C16orf54: variants seen among roughly 807,000 people sequenced by gnomAD.
The protein encoded by C16orf54 is transmembrane protein C16orf54.
Under a neutral mutation model 3.9 loss-of-function variants are expected in C16orf54, and 2 were observed. The observed-to-expected ratio is 0.52, with a 90% CI of 0.21 to 1.63. The LOEUF is 1.63. Among genes scored for constraint, C16orf54 ranks in the 40% most tolerant of loss-of-function variants. The pLI is 0.21. For synonymous variants in C16orf54, 128 were observed against 135.1 expected, an observed-to-expected ratio of 0.95 and a Z score of 0.37; for missense variants, 272 against 326.3, an observed-to-expected ratio of 0.83 and a Z score of 1.28.
In C16orf54 at chr16:29,744,869, C is replaced by CA; in HGVS notation, c.82dup (p.Cys28LeufsTer27). The CA allele has an allele frequency of 6.8e-7, 1 of 1,480,078 alleles. No individual in the cohort carries two copies. The highest frequency in any genetic ancestry group is 8.9e-7 in the Non-Finnish European group (1 of 1,120,306). The allele number at this position is 1,480,078 out of a possible 1,614,324, so 91.7% of individuals were successfully genotyped here. A position where few individuals can be genotyped will look rare whatever the true frequency, so the allele number is the denominator to read the frequency against. ...CAGCATGATGGGGATGCAGGGCCCA[C>CA]AGGGCAGTGAGGGCCATGGGGCTGC... On this transcript the variant is annotated frameshift_variant, in exon 2 of 2. Transcript: ENST00000329410. LOFTEE classifies it low-confidence loss of function (END_TRUNC). The surrounding 1 kb of genome is among the most constrained non-coding windows in gnomAD (Gnocchi z 7.1).
Position 29,744,746 on chromosome 16 carries a change from G to T in C16orf54, c.206C>A (p.Ala69Glu). Residue 69 changes from alanine to glutamate, a missense_variant, in exon 2 of 2, where the codon GCA becomes GAA. Physicochemically the swap from Ala to Glu is moderately radical, Grantham distance 107. Transcript: ENST00000329410. The surrounding 1 kb of genome is among the most constrained non-coding windows in gnomAD (Gnocchi z 7.1). ...RALRPDPSHR[A>E]PTLVWRPGGE... ...TCCTGGGCGCCACACCAGGGTGGGTGCACGGTGGCTGGGGTCTGGGCGGAG... is the reference window on the plus strand; with the variant it reads ...TCCTGGGCGCCACACCAGGGTGGGTTCACGGTGGCTGGGGTCTGGGCGGAG... 18 of 1,462,254 alleles carry T rather than the reference G, an allele frequency of 1.2e-5. No individual in the cohort carries two copies. Among genetic ancestry groups the T allele is most frequent in the Non-Finnish European group, 1.6e-5 (18 of 1,108,248 alleles). 90.6% of individuals were successfully genotyped at this position (1,462,254 alleles called of 1,614,324 possible).
chr16:29,745,080 C>T, intron 1 of C16orf54, 129 bp from the exon 2 acceptor site: 1 of 1,066,838 alleles, frequency 9.4e-7, no homozygotes, highest in Non-Finnish European at 1.2e-6. Context: ...TGCCTGGAAT[C>T]CCAGCACTTT....
At position 29,744,308 on chromosome 16, in the gene C16orf54, T is replaced by C. The variant is rs1968106361; in HGVS notation, c.644A>G (p.Lys215Arg). Residue 215 changes from lysine (K) to arginine (R), a missense_variant, in exon 2 of 2, where the codon AAG (lysine) becomes AGG (arginine). Transcript: ENST00000329410. This position sits in a 1 kb window ranked among gnomAD's most constrained non-coding sequence, Gnocchi z 7.1. Reference protein sequence around the residue: ...VTLEQISAFWKREGRTSVGF With the variant: ...VTLEQISAFWRREGRTSVGF ...CCCCACACTGGTCCGGCCTTCACGC[T>C]TCCAGAAAGCTGAGATCTGCTCCAA... The C allele has an allele frequency of 6.2e-7, 1 of 1,612,932 alleles. No homozygotes were observed. Among genetic ancestry groups the C allele is most frequent in the South Asian group, 1.1e-5 (1 of 91,066 alleles).
rs1305054064 is a variant in C16orf54, at chr16:29,744,183, G to T, written c.*94C>A. On this transcript the variant is annotated 3_prime_UTR_variant, in exon 2 of 2. Transcript: ENST00000329410. The surrounding 1 kb of genome is among the most constrained non-coding windows in gnomAD (Gnocchi z 7.1). ...GAAGGAGCCTGGGAAGGGCATCTTC[G>T]CTGGGGCAGTCTCAATCCTAATGCT... 2 of 1,162,698 alleles carry T rather than the reference G, an allele frequency of 1.7e-6. No individual in the cohort carries two copies. The highest frequency in any genetic ancestry group is 2.7e-5 in the South Asian group (2 of 74,046). 72.0% of individuals were successfully genotyped at this position (1,162,698 alleles called of 1,614,324 possible). A position where few individuals can be genotyped will look rare whatever the true frequency, so the allele number is the denominator to read the frequency against.
intron 1 of C16orf54, chr16:29,745,324 C>T (rs148132907): frequency 9.3e-6 from 2 of 214,622 alleles, no homozygotes; most frequent in African/African-American, 4.5e-5. Flanking sequence ...AGAGCAAGAC[C>T]CTTTCTCAAA....
Position 29,744,704 on chromosome 16 carries a change from T to TC in C16orf54, c.247dup (p.Glu83GlyfsTer11). The TC allele has an allele frequency of 6.8e-7, 1 of 1,467,708 alleles. No individual in the cohort carries two copies. Among genetic ancestry groups the TC allele is most frequent in the Non-Finnish European group, 9.0e-7 (1 of 1,110,656 alleles). The allele number at this position is 1,467,708 out of a possible 1,614,324, so 90.9% of individuals were successfully genotyped here. On this transcript the variant is annotated frameshift_variant, in exon 2 of 2. Transcript: ENST00000329410. LOFTEE classifies it low-confidence loss of function (END_TRUNC). The surrounding 1 kb of genome is among the most constrained non-coding windows in gnomAD (Gnocchi z 7.1). The stretch of plus-strand genomic sequence containing the variant: ...GCGCTCTCGGGCGGTGCCCATGGGC[T>TC]CAATCCACAGCTCTCCTCCTGGGCG...
In C16orf54 at chr16:29,744,738, G is replaced by C; in HGVS notation, c.214C>G (p.Leu72Val). Residue 72 changes from leucine to valine, a missense_variant, in exon 2 of 2, where the codon CTG becomes GTG. Physicochemically the swap from Leu to Val is conservative, Grantham distance 32 (BLOSUM62 1). Transcript: ENST00000329410. The surrounding 1 kb of genome is among the most constrained non-coding windows in gnomAD (Gnocchi z 7.1). Reference sequence around the variant, plus strand: ...AGCTCTCCTCCTGGGCGCCACACCAGGGTGGGTGCACGGTGGCTGGGGTCT... The same window carrying C: ...AGCTCTCCTCCTGGGCGCCACACCACGGTGGGTGCACGGTGGCTGGGGTCT... ...RPDPSHRAPT[L>V]VWRPGGELWI... The C allele has an allele frequency of 6.8e-7, 1 of 1,462,746 alleles. No homozygotes were observed. Among genetic ancestry groups the C allele is most frequent in the Non-Finnish European group, 9.0e-7 (1 of 1,108,536 alleles). 90.6% of individuals were successfully genotyped at this position (1,462,746 alleles called of 1,614,324 possible).
rs1379556666 is a variant in C16orf54 at position 29,743,809 on chromosome 16, C to T, written c.*468G>A. On this transcript the variant is annotated 3_prime_UTR_variant, in exon 2 of 2. Coordinates refer to ENST00000329410, the MANE Select transcript of C16orf54 (RefSeq NM_175900.4). ...AGAGGACCTCACAGTGGGTGAGTGG[C>T]CAAGGAGAACAGGATTTGTGGCTCT... 1 of 176,180 alleles carries T rather than the reference C, an allele frequency of 5.7e-6. No homozygotes were observed. Among genetic ancestry groups the T allele is most frequent in the Non-Finnish European group, 1.2e-5 (1 of 84,198 alleles). 10.9% of individuals were successfully genotyped at this position (176,180 alleles called of 1,614,324 possible).
At position 29,744,444 on chromosome 16, in the gene C16orf54, C is replaced by T; in HGVS notation, c.508G>A (p.Ala170Thr). 1 of 1,563,234 alleles carries T rather than the reference C, an allele frequency of 6.4e-7. No individual in the cohort carries two copies. Among genetic ancestry groups the T allele is most frequent in the Non-Finnish European group, 8.7e-7 (1 of 1,154,388 alleles). ...GCCTCTGGCCTCTGCTCGGGTTCAGCCCAGCTCACCAGGCCTGTGGCGGGG... is the reference window on the plus strand; with the variant it reads ...GCCTCTGGCCTCTGCTCGGGTTCAGTCCAGCTCACCAGGCCTGTGGCGGGG... ...RPPATGLVSW[A>T]EPEQRPEASV... is the part of the protein sequence containing the mutation. Residue 170 changes from alanine (A) to threonine (T), a missense_variant, in exon 2 of 2, where the codon GCT becomes ACT. Transcript: ENST00000329410. The surrounding 1 kb of genome is among the most constrained non-coding windows in gnomAD (Gnocchi z 7.1).
chr16:29,745,827 T>C (rs1968129490), intron 1 of C16orf54, 84 bp downstream of exon 1: 1 of 152,568 alleles, frequency 6.6e-6, no homozygotes, highest in Admixed American at 6.5e-5. Flanking sequence ...CTCTGGCCTG[T>C]CTCTATCTCT....
chr16:29,743,767 T>C lies in C16orf54; in HGVS notation c.*510A>G, dbSNP rs539682020. On this transcript the variant is annotated 3_prime_UTR_variant, in exon 2 of 2. Coordinates refer to ENST00000329410, the MANE Select transcript of C16orf54 (RefSeq NM_175900.4). The stretch of plus-strand genomic sequence containing the variant: ...TGTTCCTCTGCCTGGTCTGGTCCTC[T>C]CTTTGTGTATTTTCCTAGAGGACCT... The C allele has an allele frequency of 1.9e-5, 3 of 159,762 alleles. No homozygotes were observed. Among genetic ancestry groups the C allele is most frequent in the South Asian group, 1.7e-4 (1 of 6,054 alleles). The allele number at this position is 159,762 out of a possible 1,614,324, so 9.9% of individuals were successfully genotyped here.
chr16:29,745,006 A>C (rs1240114109), intron 1 of C16orf54, 55 bp from the exon 2 acceptor site: 11 of 1,363,060 alleles, frequency 8.1e-6, no homozygotes, highest in South Asian at 1.9e-5. Flanking sequence ...GGGCACAACC[A>C]AGATGAGAGA....
At position 29,743,463 on chromosome 16, in the gene C16orf54, A is replaced by G. The variant is rs1468250600; in HGVS notation, c.*814T>C. The G allele has an allele frequency of 6.6e-6, 1 of 152,120 alleles. No homozygotes were observed. The highest frequency in any genetic ancestry group is 1.5e-5 in the Non-Finnish European group (1 of 68,050). The allele number at this position is 152,120 out of a possible 1,614,324, so 9.4% of individuals were successfully genotyped here. A position where few individuals can be genotyped will look rare whatever the true frequency, so the allele number is the denominator to read the frequency against. ...ACACTCCAGCAAGCTGGAAGGGACGATGATCAGAGGTCACAGTTTGGGAGT... is the reference window on the plus strand; with the variant it reads ...ACACTCCAGCAAGCTGGAAGGGACGGTGATCAGAGGTCACAGTTTGGGAGT... On this transcript the variant is annotated 3_prime_UTR_variant, in exon 2 of 2. Transcript: ENST00000329410.
chr16:29,744,028 T>G lies in C16orf54; in HGVS notation c.*249A>C. The G allele has an allele frequency of 1.7e-6, 1 of 577,624 alleles. No homozygotes were observed. 35.8% of individuals were successfully genotyped at this position (577,624 alleles called of 1,614,324 possible). On this transcript the variant is annotated 3_prime_UTR_variant, in exon 2 of 2. Coordinates refer to ENST00000329410, the MANE Select transcript of C16orf54 (RefSeq NM_175900.4). This position sits in a 1 kb window ranked among gnomAD's most constrained non-coding sequence, Gnocchi z 7.1. ...ATCTGGATGCGATCTTGAAGGCTTC[T>G]GGCCTGGCATTGGCTCCACCCCCAG... is the stretch of plus-strand genomic sequence containing the variant.
chr16:29,745,308 G>A (rs1443150686), intron 1 of C16orf54: 1 of 251,890 alleles, frequency 4.0e-6, no homozygotes, highest in Non-Finnish European at 7.5e-6. Context: ...CTCCAGCCTG[G>A]GCAATAGAGC....
Position 29,744,785 on chromosome 16 carries a change from A to G in C16orf54, c.167T>C (p.Leu56Pro). The G allele has an allele frequency of 6.8e-7, 1 of 1,464,490 alleles. No homozygotes were observed. Among genetic ancestry groups the G allele is most frequent in the Non-Finnish European group, 9.0e-7 (1 of 1,110,662 alleles). 90.7% of individuals were successfully genotyped at this position (1,464,490 alleles called of 1,614,324 possible). A position where few individuals can be genotyped will look rare whatever the true frequency, so the allele number is the denominator to read the frequency against. ...ILTTAVLAER[L>P]FRRALRPDPS... ...GTCTGGGCGGAGAGCACGGCGGAAC[A>G]GGCGTTCAGCCAACACAGCGGTGGT... The change falls in exon 2 of 2, where the codon CTG becomes CCG. Residue 56 changes from leucine (L) to proline (P), a missense_variant. Transcript: ENST00000329410. This position sits in a 1 kb window ranked among gnomAD's most constrained non-coding sequence, Gnocchi z 7.1.
In C16orf54 at chr16:29,744,149, C is replaced by A; in HGVS notation, c.*128G>T. On this transcript the variant is annotated 3_prime_UTR_variant, in exon 2 of 2. Transcript: ENST00000329410. This position sits in a 1 kb window ranked among gnomAD's most constrained non-coding sequence, Gnocchi z 7.1. ...CACCACCCAGACCCGGGGAGGGGGA[C>A]TCCAGGTGGAAGGAGCCTGGGAAGG... is the stretch of plus-strand genomic sequence containing the variant. 1 of 877,082 alleles carries A rather than the reference C, an allele frequency of 1.1e-6. No homozygotes were observed. Among genetic ancestry groups the A allele is most frequent in the Non-Finnish European group, 1.8e-6 (1 of 552,976 alleles). The allele number at this position is 877,082 out of a possible 1,614,324, so 54.3% of individuals were successfully genotyped here.
At position 29,744,734 on chromosome 16, in the gene C16orf54, A is replaced by G; in HGVS notation, c.218T>C (p.Val73Ala). The G allele has an allele frequency of 6.8e-7, 1 of 1,461,728 alleles. No individual in the cohort carries two copies. Among genetic ancestry groups the G allele is most frequent in the South Asian group, 1.5e-5 (1 of 67,382 alleles). The allele number at this position is 1,461,728 out of a possible 1,614,324, so 90.5% of individuals were successfully genotyped here. Reference protein sequence around the residue: ...PDPSHRAPTLVWRPGGELWIE... With the variant: ...PDPSHRAPTLAWRPGGELWIE... ...CCACAGCTCTCCTCCTGGGCGCCAC[A>G]CCAGGGTGGGTGCACGGTGGCTGGG... The change falls in exon 2 of 2, where the codon GTG (valine) becomes GCG (alanine). Residue 73 changes from valine (V) to alanine (A), a missense_variant. Physicochemically the swap from Val to Ala is moderately conservative, Grantham distance 64. Transcript: ENST00000329410. This position sits in a 1 kb window ranked among gnomAD's most constrained non-coding sequence, Gnocchi z 7.1.
rs761730713 is a variant in C16orf54 at position 29,744,428 on chromosome 16, C to T, written c.524G>A (p.Arg175Lys). The change falls in exon 2 of 2, where the codon AGG (arginine) becomes AAG (lysine). Residue 175 changes from arginine (R) to lysine (K), a missense_variant. By Grantham distance (26) the Arg-to-Lys change is conservative. Coordinates refer to ENST00000329410, the MANE Select transcript of C16orf54 (RefSeq NM_175900.4). The surrounding 1 kb of genome is among the most constrained non-coding windows in gnomAD (Gnocchi z 7.1). ...GLVSWAEPEQRPEASVQFGSP... is the reference protein window; with the variant it reads ...GLVSWAEPEQKPEASVQFGSP... ...CCCAAACTGGACGCTGGCCTCTGGCCTCTGCTCGGGTTCAGCCCAGCTCAC... is the reference window on the plus strand; with the variant it reads ...CCCAAACTGGACGCTGGCCTCTGGCTTCTGCTCGGGTTCAGCCCAGCTCAC... 21 of 1,575,712 alleles carry T rather than the reference C, an allele frequency of 1.3e-5. No homozygotes were observed. The South Asian group carries it at 2.4e-4, about 18-fold the overall frequency.
Sources: allele counts gnomAD v4.1 joint callset, GRCh38; gene constraint gnomAD v4.1.1; non-coding constraint Gnocchi (gnomAD v3.1); transcripts MANE v1.5; gene names NCBI Gene and HGNC (gene_info 2026-07-23, HGNC 2026-07-21).